The following CEP97 variants were observed in gnomAD, a reference collection of about 807,000 sequenced individuals.
CEP97 encodes the protein centrosomal protein 97, also known as centrosomal protein of 97 kDa.
Under a neutral mutation model 73.1 loss-of-function variants are expected in CEP97, and 43 were observed. The observed-to-expected ratio is 0.59, with a 90% CI of 0.46 to 0.76. CEP97 has a LOEUF of 0.76. Among genes scored for constraint, CEP97 ranks in the 30% least tolerant of loss-of-function variants. CEP97 has a pLI of 0.00. For missense variants in CEP97, 939 were observed against 1,014.0 expected (o/e 0.93, Z 1.00); for synonymous variants, 337 against 370.0 (o/e 0.91, Z 1.02).
rs769466248 is a variant in CEP97 at position 101,765,013 on chromosome 3, A to T, written c.2060A>T (p.Asp687Val). 8 of 1,614,006 alleles carry T rather than the reference A, an allele frequency of 5.0e-6. No homozygotes were observed. Among genetic ancestry groups the T allele is most frequent in the Non-Finnish European group, 6.8e-6 (8 of 1,180,036 alleles). The change falls in exon 11 of 11, where the codon GAT becomes GTT. Residue 687 changes from aspartate to valine, a missense_variant. By Grantham distance (152) the Asp-to-Val change is radical (BLOSUM62 -3). Coordinates refer to ENST00000341893, the MANE Select transcript of CEP97 (RefSeq NM_024548.4). ...AATGCTGATTGGTTTATTGCTTCTGATGTAGCTCCTCAAGAGAAATCATTA... is the reference window on the plus strand; with the variant it reads ...AATGCTGATTGGTTTATTGCTTCTGTTGTAGCTCCTCAAGAGAAATCATTA... ...DQNADWFIAS[D>V]VAPQEKSLPE...
In CEP97 at chr3:101,754,672, A is replaced by G. The variant is rs73863394; in HGVS notation, c.729-758A>G. 8.5e-3 allele frequency among the ~76,000 whole-genome samples: 1,289 copies of G among 152,070 alleles called. 24 individuals are homozygous for G. The highest frequency in any genetic ancestry group is 0.029 in the African/African-American group (1,204 of 41,482). On this transcript the variant is annotated intron_variant, in intron 6 of 10. Transcript: ENST00000341893. ...CAAGATGACTCTCTTGAATCTCTCA[A>G]TCTATCTGTCTTTGTTCTATTTTCT...
chr3:101,736,295 C>A (rs1022385205), intron 6 of CEP97, among the ~76,000 whole-genome samples: 99 of 152,218 alleles, frequency 6.5e-4, no homozygotes, highest in Non-Finnish European at 2.1e-4. Context: ...AATGTTCCTG[C>A]CTCCCGGCTC....
chr3:101,730,776 C>T (rs1466601535), intron 4 of CEP97, among the ~76,000 whole-genome samples: 2 of 152,218 alleles, frequency 1.3e-5, no homozygotes, highest in African/African-American at 2.4e-5. Context: ...ATTGTTGCCT[C>T]ATTGGATATT....
At chr3:101,756,193 G>T (rs1371245481) in intron 7 of CEP97, among the ~76,000 whole-genome samples, 1 of 151,248 alleles carries the variant, frequency 6.6e-6, no homozygotes, top group Non-Finnish European at 1.5e-5. Flanking sequence ...CTGAGTAGCT[G>T]GGATTACAGG....
At position 101,768,664 on chromosome 3, in the gene CEP97, C is replaced by G. The variant is rs1008932529; in HGVS notation, c.*3113C>G. ...CAGCCTGGACAACATAGCAAGACCC[C>G]CCTCTCTACAAAAAAAATTTTTTTC... is the stretch of plus-strand genomic sequence containing the variant. On this transcript the variant is annotated 3_prime_UTR_variant, in exon 11 of 11. Coordinates refer to ENST00000341893, the MANE Select transcript of CEP97 (RefSeq NM_024548.4). The G allele has an allele frequency of 6.6e-6, 1 of 152,076 alleles. No homozygotes were observed. Among genetic ancestry groups the G allele is most frequent in the African/African-American group, 2.4e-5 (1 of 41,388 alleles). 9.4% of individuals were successfully genotyped at this position (152,076 alleles called of 1,614,324 possible). A position where few individuals can be genotyped will look rare whatever the true frequency, so the allele number is the denominator to read the frequency against.
chr3:101,739,969 A>G (rs1301630772), intron 6 of CEP97, among the ~76,000 whole-genome samples: 3 of 152,032 alleles, frequency 2.0e-5, no homozygotes, highest in Non-Finnish European at 2.9e-5. Context: ...TTGATGGAAC[A>G]TATCTCAAAA....
At chr3:101,756,779 C>G (rs191578253) in intron 7 of CEP97, among the ~76,000 whole-genome samples, 1 of 152,170 alleles carries the variant, frequency 6.6e-6, no homozygotes, top group East Asian at 1.9e-4. Context: ...AAAGTATTGC[C>G]AGAAGCATTT....
At chr3:101,748,705 A>C (rs750931546) in intron 6 of CEP97, among the ~76,000 whole-genome samples, 2 of 152,156 alleles carry the variant, frequency 1.3e-5, no homozygotes, top group Non-Finnish European at 2.9e-5. Flanking sequence ...CAGTGGCGCA[A>C]TCTCGGCTTA....
intron 6 of CEP97, among the ~76,000 whole-genome samples, chr3:101,753,327 G>T (rs1938894823): frequency 1.3e-5 from 2 of 152,180 alleles, no homozygotes; most frequent in African/African-American, 4.8e-5. Flanking sequence ...TCCCAGTTAG[G>T]CTGCTCAGGG....
chr3:101,765,404 T>G lies in CEP97; in HGVS notation c.2451T>G (p.Ser817=). 1 of 1,614,200 alleles carries G rather than the reference T, an allele frequency of 6.2e-7. No individual in the cohort carries two copies. Among genetic ancestry groups the G allele is most frequent in the Non-Finnish European group, 8.5e-7 (1 of 1,180,038 alleles). ...VQLDTLSDGA[S]VDESHGISPP... is the part of the protein sequence containing the mutation. ...TAGATACATTGTCTGACGGTGCTTC[T>G]GTAGATGAGAGTCATGGCATATCTC... is the stretch of plus-strand genomic sequence containing the variant. The change falls in exon 11 of 11, where the codon TCT becomes TCG. Residue 817 remains serine, a synonymous_variant. Transcript: ENST00000341893.
rs200525264 is a variant in CEP97, at chr3:101,743,343, AT to A, written c.728+10699del. Among the ~76,000 whole-genome samples, 416 of 150,160 alleles carry A rather than the reference AT, an allele frequency of 2.8e-3. 1 individual carries two copies. The highest frequency in any genetic ancestry group is 9.1e-3 in the African/African-American group (374 of 40,940). ...ATGGTAACTTTTTAATAATTTAGAA[AT>A]TTTTTTTTTCCTGGTTATTATGGCA... On this transcript the variant is annotated intron_variant, in intron 6 of 10. Transcript: ENST00000341893.
At position 101,757,253 on chromosome 3, in the gene CEP97, A is replaced by G. The variant is rs368306158; in HGVS notation, c.1027+57A>G. The G allele has an allele frequency of 1.5e-5, 23 of 1,544,800 alleles. No homozygotes were observed. The African/African-American group carries it at 2.2e-4, about 15-fold the overall frequency. On this transcript the variant is annotated intron_variant, in intron 8 of 10. Transcript: ENST00000341893. ...CTCCAAGTTGTTTAATTTGTCGGGT[A>G]TCATAAAGCAGAAAAAGGTGCATAT... is the stretch of plus-strand genomic sequence containing the variant.
chr3:101,744,702 A>G (rs1182639664), intron 6 of CEP97, among the ~76,000 whole-genome samples: 1 of 152,228 alleles, frequency 6.6e-6, no homozygotes, highest in Non-Finnish European at 1.5e-5. Context: ...CCATGCTTTA[A>G]AACAACTCTG....
At chr3:101,731,689 T>C (rs1237431013) in intron 4 of CEP97, 151 bp from the exon 5 acceptor site, 1 of 566,014 alleles carries the variant, frequency 1.8e-6, no homozygotes, top group Non-Finnish European at 3.1e-6. Flanking sequence ...TCAAGGACCC[T>C]TGTAGCATTA....
At position 101,745,405 on chromosome 3, in the gene CEP97, C is replaced by T. The variant is rs557512650; in HGVS notation, c.729-10025C>T. ...CCTCCTGAGTAGCTGGGAATAGATG[C>T]ATGCCACCAGAAAAAATTAGCCTCA... is the stretch of plus-strand genomic sequence containing the variant. On this transcript the variant is annotated intron_variant, in intron 6 of 10. Transcript: ENST00000341893. 9.2e-5 allele frequency among the ~76,000 whole-genome samples: 14 copies of T among 152,136 alleles called. 1 individual carries two copies. Among genetic ancestry groups the T allele is most frequent in the African/African-American group, 3.4e-4 (14 of 41,530 alleles).
chr3:101,748,448 G>T (rs1376772071), intron 6 of CEP97, among the ~76,000 whole-genome samples: 1 of 151,992 alleles, frequency 6.6e-6, no homozygotes, highest in Admixed American at 6.6e-5. Context: ...CCAAAGTACA[G>T]ATCATCTCTA....
At chr3:101,741,211 C>T (rs1282263577) in intron 6 of CEP97, among the ~76,000 whole-genome samples, 1 of 152,140 alleles carries the variant, frequency 6.6e-6, no homozygotes, top group Non-Finnish European at 1.5e-5. Flanking sequence ...ACTGGCTAGC[C>T]ATATGCAGAA....
At position 101,728,847 on chromosome 3, in the gene CEP97, G is replaced by A. The variant is rs1225413363; in HGVS notation, c.357G>A (p.Gln119=). 6.2e-7 allele frequency: 1 copy of A among 1,602,612 alleles called. No homozygotes were observed. The highest frequency in any genetic ancestry group is 1.7e-5 in the Admixed American group (1 of 59,994). ...LAGNNLKAME[Q]INSCTALQHL... Reference sequence around the variant, plus strand: ...TTTTCTTGTGATAGGCCATGGAACAGATCAATAGCTGCACAGCTCTACAGC... The same window carrying A: ...TTTTCTTGTGATAGGCCATGGAACAAATCAATAGCTGCACAGCTCTACAGC... Residue 119 remains glutamine, a synonymous_variant, in exon 4 of 11, where the codon CAG becomes CAA. Transcript: ENST00000341893.
chr3:101,744,254 T>C (rs940388233), intron 6 of CEP97, among the ~76,000 whole-genome samples: 1 of 151,084 alleles, frequency 6.6e-6, no homozygotes, highest in Admixed American at 6.6e-5. Flanking sequence ...TAATAGCACA[T>C]CAGCCTATAC....
Sources: gnomAD v4.1 joint callset for allele counts (sites outside exome capture counted in the v4.1 genomes callset) on GRCh38, gnomAD v4.1.1 for gene constraint, MANE v1.5 for transcripts, NCBI Gene and HGNC (gene_info 2026-07-23, HGNC 2026-07-21) for gene names.